Variants in WDR27 observed in about 807,000 individuals in gnomAD.
The protein encoded by WDR27 is WD repeat-containing protein 27.
WDR27 carries 100 observed loss-of-function variants against 114.4 expected under a neutral mutation model. That is an observed-to-expected ratio of 0.87 (90% CI 0.74 to 1.03). WDR27 has a LOEUF of 1.03. WDR27 is among the 50% of genes least tolerant of loss of function. The pLI is 0.00. For missense variants in WDR27, 1,129 were observed against 1,092.9 expected (o/e 1.03, Z -0.47); for synonymous variants, 449 against 423.1 (o/e 1.06, Z -0.75).
chr6:169,687,738 T>C (rs567672269), intron 2 of WDR27, among the ~76,000 whole-genome samples: 1 of 152,262 alleles, frequency 6.6e-6, no homozygotes, highest in Non-Finnish European at 1.5e-5. Flanking sequence ...TACACCCACA[T>C]CCCACAGTTG....
At chr6:169,443,701 T>C in the WDR27 span, among the ~76,000 whole-genome samples, 1 of 152,112 alleles carries the variant, frequency 6.6e-6, no homozygotes, top group South Asian at 2.1e-4. Flanking sequence ...GGCAGGGAGC[T>C]CAGGCCTGAT....
intron 1 of WDR27, among the ~76,000 whole-genome samples, chr6:169,697,671 C>T (rs959176268): frequency 2.6e-5 from 4 of 152,192 alleles, no homozygotes; most frequent in Middle Eastern, 3.2e-3. Context: ...GCAGAAATAA[C>T]GGTGTAAGTT....
intron 23 of WDR27, among the ~76,000 whole-genome samples, chr6:169,599,527 G>A (rs1017857976): frequency 7.2e-5 from 11 of 152,096 alleles, no homozygotes; most frequent in African/African-American, 2.7e-4. Flanking sequence ...ATTTCTTCTA[G>A]ATTTTCTAGT....
Position 169,658,150 on chromosome 6 carries a change from G to C in WDR27, c.1402+126C>G, listed in dbSNP as rs1584961377. On this transcript the variant is annotated intron_variant, in intron 13 of 25. Transcript: ENST00000448612. ...ACGAGAGGCAGAGACATGAAGGACA[G>C]AAGGATGGAAGGAAGTACGGAATGC... is the stretch of plus-strand genomic sequence containing the variant. The C allele has an allele frequency of 2.0e-5, 15 of 755,810 alleles. No individual in the cohort carries two copies. The East Asian group carries it at 4.3e-4, about 22-fold the overall frequency. 46.8% of individuals were successfully genotyped at this position (755,810 alleles called of 1,614,324 possible).
intron 24 of WDR27, among the ~76,000 whole-genome samples, chr6:169,575,294 CTCTCTCCATCCA>C: frequency 9.9e-6 from 1 of 100,652 alleles, no homozygotes; most frequent in African/African-American, 3.0e-5. Context: ...CCCTCCCTCC[CTCTCTCCATCCA>C]TCCATCCCTC....
chr6:169,500,328 C>T (rs777648911), intron 25 of WDR27, among the ~76,000 whole-genome samples: 1 of 152,144 alleles, frequency 6.6e-6, no homozygotes, highest in Non-Finnish European at 1.5e-5. Flanking sequence ...GAGGTCTGTA[C>T]TAACAAGCCA....
chr6:169,650,935 T>C (rs1159139478), intron 14 of WDR27, among the ~76,000 whole-genome samples: 1 of 151,994 alleles, frequency 6.6e-6, no homozygotes, highest in African/African-American at 2.4e-5. Flanking sequence ...CACAGGGGTT[T>C]AAAGAACAGA....
chr6:169,603,858 C>T, intron 22 of WDR27, among the ~76,000 whole-genome samples: 1 of 152,142 alleles, frequency 6.6e-6, no homozygotes, highest in East Asian at 1.9e-4. Flanking sequence ...AATAAGTGCT[C>T]TAGAAGTGTA....
intron 7 of WDR27, 174 bp from the exon 8 acceptor site, chr6:169,664,460 T>C (rs2128280756): frequency 1.4e-6 from 2 of 1,465,638 alleles, no homozygotes; most frequent in East Asian, 5.0e-5. Flanking sequence ...CTGGAGGCCC[T>C]CCGTACGGCC....
At chr6:169,642,634 A>C (rs937282154) in intron 17 of WDR27, among the ~76,000 whole-genome samples, 4 of 152,102 alleles carry the variant, frequency 2.6e-5, no homozygotes, top group African/African-American at 4.8e-5. Flanking sequence ...TTGCTCATGC[A>C]GGAGCCGAGC....
Position 169,667,891 on chromosome 6 carries a change from G to A in WDR27, c.660+91C>T, listed in dbSNP as rs575099466. On this transcript the variant is annotated intron_variant, in intron 5 of 25. Coordinates refer to ENST00000448612, the MANE Select transcript of WDR27 (RefSeq NM_182552.5). Reference sequence around the variant, plus strand: ...TAGAAACAACATCACTCAGGCGGCCGTGGCCGTGAAGCAACCGCACAGCTC... The same window carrying A: ...TAGAAACAACATCACTCAGGCGGCCATGGCCGTGAAGCAACCGCACAGCTC... 3.0e-4 allele frequency: 378 copies of A among 1,265,852 alleles called. No homozygotes were observed. In the African/African-American group the frequency reaches 5.2e-3, roughly 17 times the overall value. The allele number at this position is 1,265,852 out of a possible 1,614,324, so 78.4% of individuals were successfully genotyped here.
chr6:169,455,702 C>T (rs1784319961), downstream of WDR27, among the ~76,000 whole-genome samples: 1 of 152,194 alleles, frequency 6.6e-6, no homozygotes, highest in Non-Finnish European at 1.5e-5. Flanking sequence ...CCCTCCATGC[C>T]CCCTGGCTTT....
intron 4 of WDR27, among the ~76,000 whole-genome samples, chr6:169,669,188 C>A (rs1199104455): frequency 2.0e-5 from 3 of 152,204 alleles, no homozygotes; most frequent in Non-Finnish European, 4.4e-5. Context: ...CATTTGAAAT[C>A]TTTAAAATCA....
At chr6:169,546,511 CCA>C (rs1224770635) in intron 25 of WDR27, among the ~76,000 whole-genome samples, 11 of 152,148 alleles carry the variant, frequency 7.2e-5, no homozygotes, top group African/African-American at 2.2e-4. Flanking sequence ...AGATGTGTAT[CCA>C]CAGTCTCCTC....
intron 25 of WDR27, among the ~76,000 whole-genome samples, chr6:169,507,704 G>A (rs1159173083): frequency 6.6e-6 from 1 of 152,188 alleles, no homozygotes; most frequent in Non-Finnish European, 1.5e-5. Flanking sequence ...TAAGAATAAT[G>A]TTTATATTTT....
chr6:169,552,977 T>G (rs1293865747), intron 25 of WDR27, among the ~76,000 whole-genome samples: 12 of 61,542 alleles, frequency 1.9e-4, no homozygotes, highest in African/African-American at 1.1e-3. Context: ...CTGCCCGGTG[T>G]GTGTGTGTGT....
intron 14 of WDR27, among the ~76,000 whole-genome samples, chr6:169,650,273 C>T (rs1433578835): frequency 6.9e-6 from 1 of 144,944 alleles, no homozygotes; most frequent in African/African-American, 2.6e-5. Flanking sequence ...CTCCATCTAC[C>T]CACCCACTCA....
the WDR27 span, among the ~76,000 whole-genome samples, chr6:169,437,303 T>A: frequency 4.6e-5 from 7 of 152,130 alleles, no homozygotes; most frequent in Admixed American, 1.3e-4. Context: ...GGTGCACTGA[T>A]TAAGGACCAA....
intron 25 of WDR27, among the ~76,000 whole-genome samples, chr6:169,550,108 C>T (rs1797906740): frequency 6.6e-6 from 1 of 152,124 alleles, no homozygotes; most frequent in African/African-American, 2.4e-5. Flanking sequence ...AAGATAGGGA[C>T]AGGGGGCCAG....
Sources: gnomAD v4.1 joint callset for allele counts (sites outside exome capture counted in the v4.1 genomes callset) on GRCh38, gnomAD v4.1.1 for gene constraint, MANE v1.5 for transcripts, NCBI Gene and HGNC (gene_info 2026-07-23, HGNC 2026-07-21) for gene names.